Variants in CAB39 observed in about 807,000 individuals in gnomAD.
CAB39 encodes calcium-binding protein 39.
In CAB39, 8 loss-of-function variants were observed where a neutral mutation model predicts 40.0. The ratio of observed to expected loss-of-function variants is 0.20; its 90% CI spans 0.12 to 0.36. CAB39 has a LOEUF of 0.36. Ranked by LOEUF, CAB39 falls within the 10% of genes least tolerant of loss-of-function variation. The pLI, the probability that CAB39 is intolerant of heterozygous loss-of-function variation, is 1.00. For missense variants in CAB39, 270 were observed against 401.1 expected (o/e 0.67, Z 2.79); for synonymous variants, 156 against 141.6 (o/e 1.10, Z -0.72).
chr2:230,716,723 C>T (rs1283335558), intron 1 of CAB39, among the ~76,000 whole-genome samples: 4 of 152,258 alleles, frequency 2.6e-5, no homozygotes, highest in African/African-American at 4.8e-5. Flanking sequence ...AAGGTCAGGC[C>T]GAGCGGGGTA....
chr2:230,714,031 G>C (rs1055154751), intron 1 of CAB39: 2 of 152,402 alleles, frequency 1.3e-5, no homozygotes, highest in African/African-American at 4.8e-5. Flanking sequence ...GGCCTGATGG[G>C]ATTTAGGAGA....
chr2:230,714,822 T>G (rs1419274751), intron 1 of CAB39, among the ~76,000 whole-genome samples: 2 of 152,236 alleles, frequency 1.3e-5, no homozygotes, highest in Non-Finnish European at 2.9e-5. Flanking sequence ...TTAGCAGCTG[T>G]ATTCGAAATC....
chr2:230,770,121 C>T (rs1695456802), intron 2 of CAB39, among the ~76,000 whole-genome samples: 2 of 150,916 alleles, frequency 1.3e-5, no homozygotes, highest in Non-Finnish European at 3.0e-5. Context: ...ACTAGAAAAA[C>T]AAGAGCAAAT....
intron 2 of CAB39, among the ~76,000 whole-genome samples, chr2:230,786,529 T>G (rs1006180366): frequency 6.6e-6 from 1 of 152,242 alleles, no homozygotes; most frequent in African/African-American, 2.4e-5. Flanking sequence ...CTGTACCCTT[T>G]AGTTATTCAC....
intron 1 of CAB39, among the ~76,000 whole-genome samples, chr2:230,748,007 A>C (rs1056314492): frequency 6.6e-6 from 1 of 152,210 alleles, no homozygotes; most frequent in African/African-American, 2.4e-5. Flanking sequence ...CTTGATTGCC[A>C]AAATATCTTT....
At chr2:230,760,204 G>T (rs1695266105) in intron 2 of CAB39, 89 bp downstream of exon 2, 1 of 692,080 alleles carries the variant, frequency 1.4e-6, no homozygotes, top group South Asian at 2.1e-5. Context: ...CCCAATTTGG[G>T]TTTATTTTGG....
chr2:230,796,238 C>A (rs1297904066), intron 4 of CAB39, among the ~76,000 whole-genome samples: 3 of 152,168 alleles, frequency 2.0e-5, no homozygotes, highest in Non-Finnish European at 4.4e-5. Context: ...GTGTGATTAT[C>A]TTCTTAGGCT....
rs77316950 is a variant in CAB39 at position 230,770,262 on chromosome 2, T to G, written c.114+10147T>G. On this transcript the variant is annotated intron_variant, in intron 2 of 8. Transcript: ENST00000258418. ...TGACCAGGAGGAAGAAAACACAAAT[T>G]CCCATTATCTGGAGTGAGAGATTCC... 5.5e-3 allele frequency among the ~76,000 whole-genome samples: 840 copies of G among 152,174 alleles called. 6 individuals carry two copies. The highest frequency in any genetic ancestry group is 9.3e-3 in the Non-Finnish European group (634 of 68,006).
At position 230,790,999 on chromosome 2, in the gene CAB39, G is replaced by T. The variant is rs1695883766; in HGVS notation, c.242G>T (p.Ser81Ile). 1.2e-6 allele frequency: 2 copies of T among 1,605,898 alleles called. No homozygotes were observed. The highest frequency in any genetic ancestry group is 1.7e-6 in the Non-Finnish European group (2 of 1,177,668). ...GAACTCTATAATAGTGGGCTCCTTA[G>T]CACCCTGGTAGCTGATTTACAGCTC... is the stretch of plus-strand genomic sequence containing the variant. ...AQELYNSGLL[S>I]TLVADLQLID... The change falls in exon 3 of 9, where the codon AGC becomes ATC. Residue 81 changes from serine to isoleucine, a missense_variant. Ser to Ile is a moderately radical substitution (Grantham distance 142). Transcript: ENST00000258418.
chr2:230,753,294 A>C lies in CAB39; in HGVS notation c.-43-6665A>C, dbSNP rs369124131. 3.9e-4 allele frequency among the ~76,000 whole-genome samples: 59 copies of C among 152,224 alleles called. No individual in the cohort carries two copies. In the East Asian group the frequency reaches 0.01, roughly 26 times the overall value. ...TGTTAACAGCCCCCCACATACCACCACTTTGGGATTCAAGTATACACCAAT... is the reference window on the plus strand; with the variant it reads ...TGTTAACAGCCCCCCACATACCACCCCTTTGGGATTCAAGTATACACCAAT... On this transcript the variant is annotated intron_variant, in intron 1 of 8. Transcript: ENST00000258418.
intron 1 of CAB39, among the ~76,000 whole-genome samples, chr2:230,754,602 T>C (rs1488855824): frequency 1.3e-5 from 2 of 152,096 alleles, no homozygotes; most frequent in East Asian, 3.9e-4. Context: ...CACTGCAACC[T>C]CCGCCTCCCA....
rs570787578 is a variant in CAB39 at position 230,818,759 on chromosome 2, A to G, written c.*55A>G. The G allele has an allele frequency of 7.4e-5, 100 of 1,360,116 alleles. No homozygotes were observed. In the African/African-American group the frequency reaches 1.2e-3, roughly 16 times the overall value. The allele number at this position is 1,360,116 out of a possible 1,614,324, so 84.3% of individuals were successfully genotyped here. ...ATTCAGCATTTGCTGTTAGCTATTCAGCATCAGGCACTCTTATTGATTCAT... is the reference window on the plus strand; with the variant it reads ...ATTCAGCATTTGCTGTTAGCTATTCGGCATCAGGCACTCTTATTGATTCAT... On this transcript the variant is annotated 3_prime_UTR_variant, in exon 9 of 9. Coordinates refer to ENST00000258418, the MANE Select transcript of CAB39 (RefSeq NM_016289.4).
chr2:230,754,434 C>T (rs1695151851), intron 1 of CAB39, among the ~76,000 whole-genome samples: 1 of 145,816 alleles, frequency 6.9e-6, no homozygotes, highest in African/African-American at 2.6e-5. Context: ...TCCTTCTTCC[C>T]CTTCCCCTCC....
At chr2:230,773,532 A>G (rs1174844356) in intron 2 of CAB39, among the ~76,000 whole-genome samples, 1 of 152,128 alleles carries the variant, frequency 6.6e-6, no homozygotes, top group Non-Finnish European at 1.5e-5. Context: ...TTCAGCGATT[A>G]TCTTCTACTC....
intron 5 of CAB39, among the ~76,000 whole-genome samples, chr2:230,806,731 C>T (rs1696202022): frequency 1.3e-5 from 2 of 152,294 alleles, no homozygotes; most frequent in South Asian, 4.1e-4. Flanking sequence ...CTGACCCTAG[C>T]ACAGGGAGAA....
chr2:230,760,785 A>G (rs368552140), intron 2 of CAB39, among the ~76,000 whole-genome samples: 1 of 152,288 alleles, frequency 6.6e-6, no homozygotes. Context: ...TCCCTAAAAT[A>G]TAATTTTTCA....
At chr2:230,748,813 G>GAAAAAA (rs759314442) in intron 1 of CAB39, among the ~76,000 whole-genome samples, 26 of 31,774 alleles carry the variant, frequency 8.2e-4, no homozygotes, top group South Asian at 3.1e-3. Context: ...TTTCCAAAAA[G>GAAAAAA]AAAAAAAAAA....
At chr2:230,814,325 A>G (rs1040405803) in intron 7 of CAB39, among the ~76,000 whole-genome samples, 4 of 152,126 alleles carry the variant, frequency 2.6e-5, no homozygotes, top group Admixed American at 2.6e-4. Flanking sequence ...AGACACAGAA[A>G]GGGAATGAAC....
At chr2:230,804,507 G>GCTAA (rs1696154224) in intron 5 of CAB39, among the ~76,000 whole-genome samples, 1 of 152,128 alleles carries the variant, frequency 6.6e-6, no homozygotes, top group South Asian at 2.1e-4. Flanking sequence ...CTGACAAAGG[G>GCTAA]CTAATATCCA....
Sources: allele counts gnomAD v4.1 joint callset (sites outside exome capture counted in the v4.1 genomes callset), GRCh38; gene constraint gnomAD v4.1.1; transcripts MANE v1.5; gene names NCBI Gene and HGNC (gene_info 2026-07-23, HGNC 2026-07-21).